ROR1: variants seen among roughly 807,000 people sequenced by gnomAD.
ROR1 encodes ROR family WNT receptor 1.
Under a neutral mutation model 78.8 loss-of-function variants are expected in ROR1, and 19 were observed. The observed-to-expected ratio is 0.24, with a 90% CI of 0.17 to 0.35. The LOEUF is 0.35. Ranked by LOEUF, ROR1 falls within the 10% of genes least tolerant of loss-of-function variation. ROR1 has a pLI of 1.00. For missense variants in ROR1, 917 were observed against 1,177.8 expected, an observed-to-expected ratio of 0.78 and a Z score of 3.24; for synonymous variants, 386 against 433.6, an observed-to-expected ratio of 0.89 and a Z score of 1.36.
intron 4 of ROR1, among the ~76,000 whole-genome samples, chr1:64,124,897 T>C (rs1007902785): frequency 6.6e-6 from 1 of 152,198 alleles, no homozygotes; most frequent in African/African-American, 2.4e-5. Flanking sequence ...ATGTAAGAAA[T>C]CTGCCAAGAA....
intron 1 of ROR1, among the ~76,000 whole-genome samples, chr1:63,957,766 A>G (rs1391026824): frequency 2.7e-5 from 4 of 148,306 alleles, no homozygotes; most frequent in Admixed American, 6.7e-5. Context: ...TTTTGGAGAC[A>G]GAGTCTCACC....
rs558892074 is a variant in ROR1, at chr1:63,957,564, C to G, written c.92-51741C>G. 4.6e-5 allele frequency among the ~76,000 whole-genome samples: 7 copies of G among 152,198 alleles called. No individual in the cohort carries two copies. The South Asian group carries it at 1.5e-3, about 32-fold the overall frequency. ...CTTCCCTGAGGGAGTGGGAGAGTGG[C>G]TGCTGGGAAGGGAATGGAAAGCACA... On this transcript the variant is annotated intron_variant, in intron 1 of 8. Transcript: ENST00000371079.
At chr1:63,933,541 A>G (rs555916050) in intron 1 of ROR1, among the ~76,000 whole-genome samples, 8 of 152,366 alleles carry the variant, frequency 5.3e-5, no homozygotes, top group Admixed American at 2.6e-4. Flanking sequence ...TTCTAACTCC[A>G]TCGCAGAAGG....
chr1:64,165,701 C>CTTTT (rs576997668), intron 8 of ROR1, among the ~76,000 whole-genome samples: 59 of 102,880 alleles, frequency 5.7e-4, no homozygotes, highest in African/African-American at 9.7e-4. Flanking sequence ...TCGGGTTTTA[C>CTTTT]TTTTTTTTTT....
chr1:63,886,208 A>T (rs1645356274), intron 1 of ROR1, among the ~76,000 whole-genome samples: 1 of 152,150 alleles, frequency 6.6e-6, no homozygotes, highest in African/African-American at 2.4e-5. Flanking sequence ...GAGTGGCTAT[A>T]AATACAGATG....
chr1:63,805,473 TA>T (rs1459319736), intron 1 of ROR1, among the ~76,000 whole-genome samples: 27 of 152,168 alleles, frequency 1.8e-4, no homozygotes, highest in African/African-American at 5.5e-4. Flanking sequence ...AAATGCACTA[TA>T]AAAAAGTATA....
chr1:64,111,340 C>T (rs1648087614), intron 4 of ROR1: 4 of 152,116 alleles, frequency 2.6e-5, no homozygotes, highest in Admixed American at 1.3e-4. Context: ...GTGTCTCAGC[C>T]CCCTGCTCCA....
chr1:64,093,007 G>T (rs1405394400), intron 4 of ROR1, among the ~76,000 whole-genome samples: 1 of 152,174 alleles, frequency 6.6e-6, no homozygotes, highest in African/African-American at 2.4e-5. Context: ...TTTAGTAAGG[G>T]TGACCACTTA....
chr1:64,153,466 C>T (rs1198841466), intron 7 of ROR1, among the ~76,000 whole-genome samples: 1 of 152,194 alleles, frequency 6.6e-6, no homozygotes, highest in Admixed American at 6.5e-5. Context: ...TTCACTGCAG[C>T]ATTATTCATG....
intron 8 of ROR1, among the ~76,000 whole-genome samples, chr1:64,162,560 C>T (rs1441294667): frequency 6.6e-6 from 1 of 152,244 alleles, no homozygotes; most frequent in East Asian, 1.9e-4. Context: ...CCCATGCCAA[C>T]TGCTCTGTGA....
At chr1:63,886,445 A>G (rs1645357835) in intron 1 of ROR1, among the ~76,000 whole-genome samples, 1 of 152,144 alleles carries the variant, frequency 6.6e-6, no homozygotes, top group Non-Finnish European at 1.5e-5. Flanking sequence ...TATGGATATT[A>G]TACACATGGT....
chr1:63,806,962 G>A (rs1644833789), intron 1 of ROR1, among the ~76,000 whole-genome samples: 1 of 152,126 alleles, frequency 6.6e-6, no homozygotes, highest in Non-Finnish European at 1.5e-5. Flanking sequence ...CATGGTACTG[G>A]GTTCTTTGCA....
At chr1:64,054,380 A>T (rs1169966300) in intron 4 of ROR1, among the ~76,000 whole-genome samples, 1 of 151,964 alleles carries the variant, frequency 6.6e-6, no homozygotes, top group Non-Finnish European at 1.5e-5. Flanking sequence ...GCATTCAAGC[A>T]ATCCTCCCAC....
At position 63,992,873 on chromosome 1, in the gene ROR1, TCTTCTTCCTGCTC is replaced by T. The variant is rs1261345810; in HGVS notation, c.92-16431_92-16419del. ...TTCTCCTCCTCCTCTTCTTCCTGCC[TCTTCTTCCTGCTC>T]ATTACTGTCACAACTACCCCTTATG... is the stretch of plus-strand genomic sequence containing the variant. On this transcript the variant is annotated intron_variant, in intron 1 of 8. Transcript: ENST00000371079. 5.3e-5 allele frequency among the ~76,000 whole-genome samples: 8 copies of T among 152,318 alleles called. No individual in the cohort carries two copies. In the East Asian group the frequency reaches 1.5e-3, roughly 29 times the overall value.
intron 7 of ROR1, among the ~76,000 whole-genome samples, chr1:64,143,892 G>C (rs1649407662): frequency 6.6e-6 from 1 of 152,188 alleles, no homozygotes; most frequent in Non-Finnish European, 1.5e-5. Flanking sequence ...TGAGCAGAAG[G>C]GTGACATGAC....
intron 4 of ROR1, among the ~76,000 whole-genome samples, chr1:64,136,350 G>A (rs1205951829): frequency 1.4e-5 from 2 of 140,080 alleles, no homozygotes; most frequent in African/African-American, 3.0e-5. Context: ...GGGGAAAAAC[G>A]GTGTATTTTT....
chr1:64,137,957 A>G (rs1649172511), intron 5 of ROR1, among the ~76,000 whole-genome samples: 1 of 152,186 alleles, frequency 6.6e-6, no homozygotes, highest in Non-Finnish European at 1.5e-5. Context: ...CTTTCCCAAA[A>G]AGTCCCCTTC....
intron 1 of ROR1, among the ~76,000 whole-genome samples, chr1:63,972,637 G>A (rs1413237836): frequency 6.6e-6 from 1 of 152,142 alleles, no homozygotes; most frequent in Non-Finnish European, 1.5e-5. Context: ...GGTGGCATAC[G>A]ATTCATAAGC....
At position 64,084,718 on chromosome 1, in the gene ROR1, A is replaced by G. The variant is rs567484930; in HGVS notation, c.482+34002A>G. On this transcript the variant is annotated intron_variant, in intron 4 of 8. Transcript: ENST00000371079. ...AGTTGATATGTCTATGTCTGCAAGT[A>G]TGACTTATGCCTGTTAATTACCCCC... Among the ~76,000 whole-genome samples, 19 of 152,338 alleles carry G rather than the reference A, an allele frequency of 1.2e-4. 1 individual carries two copies. In the South Asian group the frequency reaches 3.9e-3, roughly 32 times the overall value.
Sources: allele counts gnomAD v4.1 joint callset (sites outside exome capture counted in the v4.1 genomes callset), GRCh38; gene constraint gnomAD v4.1.1; transcripts MANE v1.5; gene names NCBI Gene and HGNC (gene_info 2026-07-23, HGNC 2026-07-21).